The following HSPG2 variants were observed in gnomAD, a reference collection of about 807,000 sequenced individuals.
HSPG2 encodes heparan sulfate proteoglycan 2, also known as basement membrane-specific heparan sulfate proteoglycan core protein.
HSPG2 carries 278 observed loss-of-function variants against 526.6 expected under a neutral mutation model. That is an observed-to-expected ratio of 0.53 (90% confidence interval 0.48 to 0.58). The LOEUF (loss-of-function observed/expected upper bound fraction) is 0.58. Ranked by LOEUF, HSPG2 falls within the 20% of genes least tolerant of loss-of-function variation. HSPG2 has a pLI of 0.00. For synonymous variants in HSPG2, 2,465 were observed against 2,555.4 expected, an observed-to-expected ratio of 0.96 and a Z score of 1.07; for missense variants, 5,354 against 6,099.5, an observed-to-expected ratio of 0.88 and a Z score of 4.07.
rs777199591 is a variant in HSPG2 at position 21,833,586 on chromosome 1, C to T, written c.10859G>A (p.Arg3620His). The change falls in exon 79 of 97, where the codon CGC becomes CAC. Residue 3620 changes from arginine (R) to histidine (H), a missense_variant. Coordinates refer to ENST00000374695, the MANE Select transcript of HSPG2 (RefSeq NM_005529.7). Reference protein sequence around the residue: ...KLDGSLPPDSRLENNMLMLPS... With the variant: ...KLDGSLPPDSHLENNMLMLPS... ...CAGCATCAGCATGTTGTTCTCCAGGCGGCTGTCAGGTGGCAGGCTGCCATC... is the reference window on the plus strand; with the variant it reads ...CAGCATCAGCATGTTGTTCTCCAGGTGGCTGTCAGGTGGCAGGCTGCCATC... 1.5e-5 allele frequency: 25 copies of T among 1,613,950 alleles called. No individual in the cohort carries two copies. The highest frequency in any genetic ancestry group is 1.1e-4 in the East Asian group (5 of 44,896).
chr1:21,833,936 T>G lies in HSPG2; in HGVS notation c.10721-11A>C, dbSNP rs764889695. On this transcript the variant is annotated splice_polypyrimidine_tract_variant and intron_variant, in intron 77 of 96. Transcript: ENST00000374695. Reference sequence around the variant, plus strand: ...AGATCTGGGGCAAGGCTGAGAGGCATGGAAGAGACATAGGCCATCAACATG... The same window carrying G: ...AGATCTGGGGCAAGGCTGAGAGGCAGGGAAGAGACATAGGCCATCAACATG... 1.3e-6 allele frequency: 2 copies of G among 1,554,240 alleles called. No individual in the cohort carries two copies. Among genetic ancestry groups the G allele is most frequent in the Non-Finnish European group, 1.8e-6 (2 of 1,142,708 alleles).
rs567616758 is a variant in HSPG2, at chr1:21,901,092, A to C, written c.64-4782T>G. Among the ~76,000 whole-genome samples, 31 of 152,190 alleles carry C rather than the reference A, an allele frequency of 2.0e-4. No individual in the cohort carries two copies. The South Asian group carries it at 3.7e-3, about 18-fold the overall frequency. On this transcript the variant is annotated intron_variant, in intron 1 of 96. Coordinates refer to ENST00000374695, the MANE Select transcript of HSPG2 (RefSeq NM_005529.7). Reference sequence around the variant, plus strand: ...GGCACATGCTCTATGTCACCTTCTCAAACTTGAAAAATTCTGAATTCCAGA... The same window carrying C: ...GGCACATGCTCTATGTCACCTTCTCCAACTTGAAAAATTCTGAATTCCAGA...
In HSPG2 at chr1:21,919,638, G is replaced by A. The variant is rs77573518; in HGVS notation, c.63+17517C>T. Among the ~76,000 whole-genome samples, 1,170 of 152,130 alleles carry A rather than the reference G, an allele frequency of 7.7e-3. 14 individuals carry two copies. The highest frequency in any genetic ancestry group is 0.022 in the African/African-American group (927 of 41,454). On this transcript the variant is annotated intron_variant, in intron 1 of 96. Coordinates refer to ENST00000374695, the MANE Select transcript of HSPG2 (RefSeq NM_005529.7). ...TTCAGGATGAAATGAGACAGCAGAC[G>A]GAAAGCAGCCCTTCTCCAGCTTTAA...
At chr1:21,841,854 C>T in intron 69 of HSPG2, 148 bp downstream of exon 69, 1 of 1,319,282 alleles carries the variant, frequency 7.6e-7, no homozygotes, top group Non-Finnish European at 1.1e-6. Context: ...GTCCAGCGCT[C>T]TTGCCATACA....
At position 21,829,548 on chromosome 1, in the gene HSPG2, C is replaced by T. The variant is rs116630187; in HGVS notation, c.11827G>A (p.Ala3943Thr). Residue 3943 changes from alanine to threonine, a missense_variant, in exon 87 of 97, where the codon GCC becomes ACC. Ala to Thr is a moderately conservative substitution (Grantham distance 58). Transcript: ENST00000374695. ...AGCTCGTGGTGTGTGTTGGTGAGGG[C>T]GGGCAGTGCCAGGTAGGAGCCAGCA... ...SGAGSYLALP[A>T]LTNTHHELRL... 2,195 of 1,612,220 alleles carry T rather than the reference C, an allele frequency of 1.4e-3. 9 individuals carry two copies. The highest frequency in any genetic ancestry group is 5.0e-3 in the South Asian group (457 of 91,030).
chr1:21,934,694 A>C (rs1381658000), intron 1 of HSPG2, among the ~76,000 whole-genome samples: 4 of 147,164 alleles, frequency 2.7e-5, no homozygotes, highest in Non-Finnish European at 6.0e-5. Flanking sequence ...CTCCCGGGTT[A>C]ACGCCATTCT....
intron 47 of HSPG2, 97 bp downstream of exon 47, chr1:21,855,207 G>A: frequency 1.4e-6 from 2 of 1,472,456 alleles, no homozygotes; most frequent in African/African-American, 2.8e-5. Flanking sequence ...AGCCACAGAG[G>A]AGGAGGTGGG....
intron 9 of HSPG2, among the ~76,000 whole-genome samples, chr1:21,885,862 C>T (rs574694727): frequency 1.3e-5 from 2 of 152,390 alleles, no homozygotes; most frequent in South Asian, 2.1e-4. Context: ...ATGCCTGGCA[C>T]AGTGTGGTCC....
chr1:21,824,460 C>T lies in HSPG2; in HGVS notation c.12744+77G>A, dbSNP rs1263502634. ...GCCAGGGGGCTCTGCTTTCCCCTCC[C>T]CCCACCACTCCGGCCACCAGGAAGC... On this transcript the variant is annotated intron_variant, in intron 93 of 96. Transcript: ENST00000374695. This position sits in a 1 kb window ranked among gnomAD's most constrained non-coding sequence, Gnocchi z 5.9. 1.9e-6 allele frequency: 3 copies of T among 1,602,574 alleles called. No homozygotes were observed. The highest frequency in any genetic ancestry group is 2.7e-5 in the African/African-American group (2 of 74,738).
At chr1:21,889,694 T>C in intron 6 of HSPG2, 1 of 462,910 alleles carries the variant, frequency 2.2e-6, no homozygotes, top group African/African-American at 1.9e-5. Flanking sequence ...TACTAATGTG[T>C]TTTGGACTTG....
Position 21,856,848 on chromosome 1 carries a change from G to A in HSPG2, c.5575+167C>T, listed in dbSNP as rs144546759. On this transcript the variant is annotated intron_variant, in intron 44 of 96. Transcript: ENST00000374695. ...CTAGGACGTGTACTTCAGGAGGACC[G>A]AGATACTGTACATGCTTCTCTCCCC... 6.8e-4 allele frequency among the ~76,000 whole-genome samples: 104 copies of A among 152,318 alleles called. 2 individuals are homozygous for A. Among genetic ancestry groups the A allele is most frequent in the Middle Eastern group, 6.8e-3 (2 of 294 alleles).
rs1338700562 is a variant in HSPG2 at position 21,835,547 on chromosome 1, A to G, written c.10446T>C (p.Val3482=). The G allele has an allele frequency of 5.0e-6, 8 of 1,612,388 alleles. No individual in the cohort carries two copies. The highest frequency in any genetic ancestry group is 6.8e-6 in the Non-Finnish European group (8 of 1,178,416). The change falls in exon 76 of 97, where the codon GTT becomes GTC. Residue 3482 remains valine (V), a synonymous_variant. Transcript: ENST00000374695. ...CTGAAGCCACCCTCCTACCTTGGAT[A>G]ACCAGCTGGGCACTGGCCTGGGCCT... ...WGKAQASAQL[V]IQALPSVLIN... is the part of the protein sequence containing the mutation.
Position 21,824,658 on chromosome 1 carries a change from C to T in HSPG2, c.12666-43G>A. On this transcript the variant is annotated intron_variant, in intron 92 of 96. Transcript: ENST00000374695. This position sits in a 1 kb window ranked among gnomAD's most constrained non-coding sequence, Gnocchi z 5.9. ...GTGAGGGGACAGAAGTCCCAGATTCCCATCCTCCCCATTAGGCCCATGGGC... is the reference window on the plus strand; with the variant it reads ...GTGAGGGGACAGAAGTCCCAGATTCTCATCCTCCCCATTAGGCCCATGGGC... 1 of 1,613,442 alleles carries T rather than the reference C, an allele frequency of 6.2e-7. No homozygotes were observed. Among genetic ancestry groups the T allele is most frequent in the South Asian group, 1.1e-5 (1 of 90,984 alleles).
At chr1:21,880,896 T>C in intron 14 of HSPG2, 61 bp from the exon 15 acceptor site, 2 of 1,456,468 alleles carry the variant, frequency 1.4e-6, no homozygotes, top group East Asian at 4.9e-5. Flanking sequence ...CTCGTGCCTA[T>C]GAGGTGCCTA....
Position 21,859,707 on chromosome 1 carries a change from G to T in HSPG2, c.5183-31C>A. On this transcript the variant is annotated intron_variant, in intron 41 of 96. Coordinates refer to ENST00000374695, the MANE Select transcript of HSPG2 (RefSeq NM_005529.7). The surrounding 1 kb of genome is among the most constrained non-coding windows in gnomAD (Gnocchi z 5.3). ...GGGGAGGAGACAAGAGCTTGTTGGT[G>T]CAGATACACTCTTTCTCACATCCAG... The T allele has an allele frequency of 6.3e-7, 1 of 1,588,642 alleles. No individual in the cohort carries two copies. The highest frequency in any genetic ancestry group is 8.6e-7 in the Non-Finnish European group (1 of 1,165,722).
intron 90 of HSPG2, 30 bp downstream of exon 90, chr1:21,828,000 A>C: frequency 1.2e-6 from 2 of 1,613,366 alleles, no homozygotes; most frequent in Non-Finnish European, 1.7e-6. Context: ...CAAGACAGAG[A>C]TGAAGTGGAG....
chr1:21,841,645 G>A lies in HSPG2; in HGVS notation c.9222C>T (p.Ser3074=). ...EDNVHISPNG[S]IITIVGTRPS... ...GCCGGGTGCCCACGATGGTGATGAT[G>A]GAGCCATTGGGACTGATGTGGACGT... Residue 3074 remains serine (S), a synonymous_variant, in exon 70 of 97, where the codon TCC becomes TCT. Coordinates refer to ENST00000374695, the MANE Select transcript of HSPG2 (RefSeq NM_005529.7). 1 of 1,614,186 alleles carries A rather than the reference G, an allele frequency of 6.2e-7. No individual in the cohort carries two copies. Among genetic ancestry groups the A allele is most frequent in the Non-Finnish European group, 8.5e-7 (1 of 1,180,024 alleles).
rs752828508 is a variant in HSPG2 at position 21,865,036 on chromosome 1, C to T, written c.4433G>A (p.Arg1478His). 3.9e-5 allele frequency: 61 copies of T among 1,571,612 alleles called. No homozygotes were observed. Among genetic ancestry groups the T allele is most frequent in the Non-Finnish European group, 4.7e-5 (55 of 1,161,424 alleles). The change falls in exon 36 of 97, where the codon CGC becomes CAC. Residue 1478 changes from arginine to histidine, a missense_variant. Physicochemically the swap from Arg to His is conservative, Grantham distance 29 (BLOSUM62 0). Coordinates refer to ENST00000374695, the MANE Select transcript of HSPG2 (RefSeq NM_005529.7). The surrounding 1 kb of genome is among the most constrained non-coding windows in gnomAD (Gnocchi z 5.4). ...WRRPDGQPAT[R>H]EHLLMALADL... ...GGCCAGTGCCATCAGGAGGTGCTCG[C>T]GTGTGGCCGGCTGCCCATCGGGCCG...
intron 91 of HSPG2, among the ~76,000 whole-genome samples, chr1:21,827,140 G>A (rs1349076113): frequency 1.3e-5 from 2 of 150,466 alleles, no homozygotes; most frequent in East Asian, 1.9e-4. Context: ...TCTGGGAGGC[G>A]GGGGTTGCAG....
Sources: gnomAD v4.1 joint callset for allele counts (sites outside exome capture counted in the v4.1 genomes callset) on GRCh38, gnomAD v4.1.1 for gene constraint, Gnocchi (gnomAD v3.1) non-coding constraint, MANE v1.5 for transcripts, NCBI Gene and HGNC (gene_info 2026-07-23, HGNC 2026-07-21) for gene names.